CAMKMT: variants seen among roughly 807,000 people sequenced by gnomAD.
CAMKMT encodes calmodulin-lysine N-methyltransferase.
In CAMKMT, 53 loss-of-function variants were observed where a neutral mutation model predicts 48.0. The observed-to-expected ratio is 1.10, with a 90% CI of 0.89 to 1.39. The LOEUF (loss-of-function observed/expected upper bound fraction) is 1.39. CAMKMT is among the 40% of genes most tolerant of loss of function. The pLI is 0.00. For missense variants in CAMKMT, 428 were observed against 402.7 expected (o/e 1.06, Z -0.54); for synonymous variants, 165 against 152.3 (o/e 1.08, Z -0.61).
chr2:44,400,808 CTTAT>C (rs982376085), intron 3 of CAMKMT: 8 of 151,052 alleles, frequency 5.3e-5, no homozygotes, highest in Admixed American at 2.0e-4. Flanking sequence ...TTGAAACATA[CTTAT>C]TTGAGTTAAA....
chr2:44,546,007 T>G (rs1667373741), intron 3 of CAMKMT, among the ~76,000 whole-genome samples: 1 of 152,002 alleles, frequency 6.6e-6, no homozygotes, highest in African/African-American at 2.4e-5. Flanking sequence ...ATAGAAAAAA[T>G]AAACTGTAAG....
chr2:44,417,656 TA>T (rs1683651372), intron 3 of CAMKMT, among the ~76,000 whole-genome samples: 3 of 152,234 alleles, frequency 2.0e-5, no homozygotes, highest in Admixed American at 2.0e-4. Context: ...GTGGTTGTAC[TA>T]TTTTACATTG....
At chr2:44,702,548 A>C (rs1317414261) in intron 3 of CAMKMT, among the ~76,000 whole-genome samples, 1 of 152,224 alleles carries the variant, frequency 6.6e-6, no homozygotes, top group Non-Finnish European at 1.5e-5. Flanking sequence ...CATGAGGGAT[A>C]GGCAGGTTAA....
intron 3 of CAMKMT, among the ~76,000 whole-genome samples, chr2:44,449,646 C>T (rs1215483327): frequency 1.3e-5 from 2 of 151,998 alleles, no homozygotes; most frequent in Admixed American, 6.6e-5. Flanking sequence ...AAAATAATTT[C>T]TTTCTTCAAT....
intron 7 of CAMKMT, among the ~76,000 whole-genome samples, chr2:44,731,460 A>G (rs1211732221): frequency 2.0e-5 from 3 of 152,174 alleles, no homozygotes; most frequent in Non-Finnish European, 4.4e-5. Flanking sequence ...TTAAACCTCT[A>G]TAGGGAGAGT....
chr2:44,411,693 G>A (rs1067393), intron 3 of CAMKMT, among the ~76,000 whole-genome samples: 111,582 of 152,022 alleles, frequency 0.73, 41,784 homozygotes, highest in African/African-American at 0.83. Context: ...TTTCTCTTAT[G>A]TATTGTATCC....
chr2:44,715,824 A>G (rs1168477086), intron 7 of CAMKMT, among the ~76,000 whole-genome samples: 5 of 152,246 alleles, frequency 3.3e-5, no homozygotes, highest in East Asian at 3.9e-4. Context: ...TGAACATCCT[A>G]TGTTGCTTAG....
At chr2:44,445,673 T>TGG (rs1666950114) in intron 3 of CAMKMT, among the ~76,000 whole-genome samples, 3 of 35,084 alleles carry the variant, frequency 8.6e-5, no homozygotes, top group Non-Finnish European at 2.3e-4. Context: ...TTTTTTTTTT[T>TGG]TTTTTTTTTT....
chr2:44,770,057 T>C (rs1223975141), intron 10 of CAMKMT, among the ~76,000 whole-genome samples: 2 of 152,368 alleles, frequency 1.3e-5, no homozygotes, highest in East Asian at 1.9e-4. Context: ...GATTTGCTTT[T>C]TCTTCATTTT....
At chr2:44,507,360 T>G (rs1670313666) in intron 3 of CAMKMT, among the ~76,000 whole-genome samples, 1 of 152,202 alleles carries the variant, frequency 6.6e-6, no homozygotes, top group Non-Finnish European at 1.5e-5. Flanking sequence ...GTTGTACTTC[T>G]TTGGAGCACT....
chr2:44,524,300 C>T (rs569336391), intron 3 of CAMKMT, among the ~76,000 whole-genome samples: 27 of 152,218 alleles, frequency 1.8e-4, no homozygotes, highest in African/African-American at 5.1e-4. Flanking sequence ...AGTCCATCTT[C>T]GTAGCCAGTA....
chr2:44,503,725 C>G (rs1465350216), intron 3 of CAMKMT, among the ~76,000 whole-genome samples: 1 of 152,086 alleles, frequency 6.6e-6, no homozygotes, highest in African/African-American at 2.4e-5. Context: ...TTCAAGCACG[C>G]TGTTCTTAGA....
At chr2:44,429,485 A>G (rs17032205) in intron 3 of CAMKMT, among the ~76,000 whole-genome samples, 8,468 of 152,172 alleles carry the variant, frequency 0.056, 288 homozygotes, top group South Asian at 0.13. Context: ...ATCATTTAAC[A>G]TAATGGAGCT....
chr2:44,667,161 C>T (rs1303016913), intron 3 of CAMKMT, among the ~76,000 whole-genome samples: 2 of 152,190 alleles, frequency 1.3e-5, no homozygotes, highest in South Asian at 2.1e-4. Context: ...ATTCAGACCA[C>T]CCATCGCTGG....
intron 3 of CAMKMT, among the ~76,000 whole-genome samples, chr2:44,654,776 A>G (rs778644766): frequency 6.6e-6 from 1 of 152,172 alleles, no homozygotes; most frequent in Non-Finnish European, 1.5e-5. Context: ...CGGCCTCCCA[A>G]AGTGCTGGGA....
At position 44,362,298 on chromosome 2, in the gene CAMKMT, C is replaced by T. The variant is rs181269570; in HGVS notation, c.138+153C>T. Among the ~76,000 whole-genome samples, 478 of 152,290 alleles carry T rather than the reference C, an allele frequency of 3.1e-3. 2 individuals are homozygous for T. The highest frequency in any genetic ancestry group is 5.3e-3 in the Non-Finnish European group (360 of 68,018). ...ACCTGCGAAGCTCCCCCTCGCTTCACCTAAGCGTCCCATCCAAGAGGAGGA... is the reference window on the plus strand; with the variant it reads ...ACCTGCGAAGCTCCCCCTCGCTTCATCTAAGCGTCCCATCCAAGAGGAGGA... On this transcript the variant is annotated intron_variant, in intron 1 of 10. Transcript: ENST00000378494.
intron 3 of CAMKMT, among the ~76,000 whole-genome samples, chr2:44,640,745 A>G (rs1033681456): frequency 3.9e-5 from 6 of 152,232 alleles, no homozygotes; most frequent in African/African-American, 7.2e-5. Flanking sequence ...AACAAACAAA[A>G]TCACCAAAAA....
chr2:44,575,448 G>T (rs532378582), intron 3 of CAMKMT, among the ~76,000 whole-genome samples: 72 of 152,186 alleles, frequency 4.7e-4, no homozygotes, highest in Admixed American at 3.9e-4. Flanking sequence ...CATAGGTCTT[G>T]CCCATTGTTG....
At position 44,595,979 on chromosome 2, in the gene CAMKMT, C is replaced by A. The variant is rs553784031; in HGVS notation, c.377-108304C>A. Among the ~76,000 whole-genome samples the A allele has an allele frequency of 2.0e-5, 3 of 151,228 alleles. No homozygotes were observed. In the South Asian group the frequency reaches 6.3e-4, roughly 32 times the overall value. On this transcript the variant is annotated intron_variant, in intron 3 of 10. Coordinates refer to ENST00000378494, the MANE Select transcript of CAMKMT (RefSeq NM_024766.5). Reference sequence around the variant, plus strand: ...GCTGGGGGGGCATCACACACTGGGGCCTGATGGGAGGTGGGGGACTGGGGG... The same window carrying A: ...GCTGGGGGGGCATCACACACTGGGGACTGATGGGAGGTGGGGGACTGGGGG...
Sources: gnomAD v4.1 joint callset for allele counts (sites outside exome capture counted in the v4.1 genomes callset) on GRCh38, gnomAD v4.1.1 for gene constraint, MANE v1.5 for transcripts, NCBI Gene and HGNC (gene_info 2026-07-23, HGNC 2026-07-21) for gene names.